Variants in SGCD observed in about 807,000 individuals in gnomAD.
SGCD encodes the protein sarcoglycan delta, also known as delta-sarcoglycan.
Under a neutral mutation model 36.6 loss-of-function variants are expected in SGCD, and 18 were observed. The observed-to-expected ratio is 0.49, with a 90% CI of 0.34 to 0.73. The LOEUF is 0.73. Among genes scored for constraint, SGCD ranks in the 30% least tolerant of loss-of-function variants. SGCD has a pLI of 0.01. For synonymous variants in SGCD, 133 were observed against 130.6 expected (o/e 1.02, Z -0.12); for missense variants, 387 against 346.7 (o/e 1.12, Z -0.92).
At chr5:155,767,281 G>A in the SGCD span, among the ~76,000 whole-genome samples, 1 of 152,292 alleles carries the variant, frequency 6.6e-6, no homozygotes, top group East Asian at 1.9e-4. Flanking sequence ...GGGGCGGCCT[G>A]AGGAAGACAT....
At chr5:156,480,333 CT>C (rs1755368777) in intron 3 of SGCD, among the ~76,000 whole-genome samples, 1 of 152,188 alleles carries the variant, frequency 6.6e-6, no homozygotes, top group African/African-American at 2.4e-5. Context: ...TCGTTGGATT[CT>C]TCTCAAATGC....
chr5:156,619,559 T>G (rs1762162280), intron 6 of SGCD, among the ~76,000 whole-genome samples: 2 of 152,160 alleles, frequency 1.3e-5, no homozygotes, highest in Non-Finnish European at 2.9e-5. Context: ...TCTAGCTATA[T>G]TGTCTCCTTT....
intron 3 of SGCD, among the ~76,000 whole-genome samples, chr5:156,464,670 C>A (rs1754646388): frequency 6.6e-6 from 1 of 152,136 alleles, no homozygotes; most frequent in Non-Finnish European, 1.5e-5. Flanking sequence ...TTCACCGAAT[C>A]CCACTTTTAG....
At chr5:156,185,399 A>C (rs920512914) in intron 3 of SGCD, among the ~76,000 whole-genome samples, 1 of 151,810 alleles carries the variant, frequency 6.6e-6, no homozygotes, top group African/African-American at 2.4e-5. Flanking sequence ...TATTTTTAGC[A>C]GAGACGGGGT....
chr5:156,586,299 G>A (rs934434602), intron 4 of SGCD, among the ~76,000 whole-genome samples: 1 of 152,132 alleles, frequency 6.6e-6, no homozygotes, highest in Non-Finnish European at 1.5e-5. Context: ...TGTTGAGGAG[G>A]AAGACCACAG....
At chr5:155,942,314 G>GTATC (rs761794178) in intron 1 of SGCD, among the ~76,000 whole-genome samples, 3,586 of 84,048 alleles carry the variant, frequency 0.043, 59 homozygotes, top group South Asian at 0.1. Context: ...ATGTATGTAT[G>GTATC]TATGTATGTA....
chr5:156,500,459 T>A (rs1459988730), intron 3 of SGCD, among the ~76,000 whole-genome samples: 3 of 152,218 alleles, frequency 2.0e-5, no homozygotes, highest in Non-Finnish European at 4.4e-5. Flanking sequence ...AGAGATTATC[T>A]TGAGACTTGT....
At chr5:156,142,227 GGC>G (rs1300445029) in intron 3 of SGCD, among the ~76,000 whole-genome samples, 1 of 152,132 alleles carries the variant, frequency 6.6e-6, no homozygotes, top group African/African-American at 2.4e-5. Context: ...AGTTTCCTGG[GGC>G]CTCCCCGGAA....
intron 4 of SGCD, among the ~76,000 whole-genome samples, chr5:156,582,815 GCA>G (rs1239916112): frequency 6.6e-6 from 1 of 150,648 alleles, no homozygotes; most frequent in Non-Finnish European, 1.5e-5. Flanking sequence ...GCACGCATGT[GCA>G]CGCGCACACA....
chr5:156,641,437 G>T (rs1385494562), intron 6 of SGCD, among the ~76,000 whole-genome samples: 2 of 152,180 alleles, frequency 1.3e-5, no homozygotes, highest in Non-Finnish European at 2.9e-5. Flanking sequence ...TTGCACAGAA[G>T]ATAGTGTTCA....
chr5:156,087,374 C>T (rs76735165), intron 1 of SGCD, among the ~76,000 whole-genome samples: 1 of 152,102 alleles, frequency 6.6e-6, no homozygotes, highest in Non-Finnish European at 1.5e-5. Context: ...CACGGTGGCT[C>T]ATACCTGTAA....
At chr5:156,390,515 G>C (rs1771508838) in intron 3 of SGCD, among the ~76,000 whole-genome samples, 1 of 152,210 alleles carries the variant, frequency 6.6e-6, no homozygotes, top group South Asian at 2.1e-4. Context: ...TGGATCACCT[G>C]AGGTCAGGAG....
chr5:155,925,413 ACATTCTCTCTGCAGG>A (rs951184110), intron 1 of SGCD, among the ~76,000 whole-genome samples: 7 of 152,228 alleles, frequency 4.6e-5, no homozygotes, highest in African/African-American at 1.7e-4. Context: ...AGCCAAGGCC[ACATTCTCTCTGCAGG>A]CTCAAGCAAA....
intron 3 of SGCD, among the ~76,000 whole-genome samples, chr5:156,208,245 C>G (rs576100273): frequency 6.6e-6 from 1 of 152,316 alleles, no homozygotes; most frequent in African/African-American, 2.4e-5. Flanking sequence ...TTTTGCCTGT[C>G]TTCAAGAGCT....
intron 1 of SGCD, among the ~76,000 whole-genome samples, chr5:155,890,637 A>ACAGATGATAGAT (rs59331401): frequency 1.8e-5 from 1 of 56,358 alleles, no homozygotes; most frequent in Non-Finnish European, 3.2e-5. Flanking sequence ...AGATAGACAG[A>ACAGATGATAGAT]TGATAGATAG....
intron 3 of SGCD, among the ~76,000 whole-genome samples, chr5:156,450,545 A>AAAAAG (rs60594583): frequency 0.19 from 27,847 of 149,316 alleles, 2,626 homozygotes; most frequent in Middle Eastern, 0.27. Context: ...TTAAAAAAAA[A>AAAAAG]AAAAGAAAAG....
intron 1 of SGCD, among the ~76,000 whole-genome samples, chr5:156,043,982 C>T (rs1170599420): frequency 6.6e-6 from 1 of 152,016 alleles, no homozygotes; most frequent in Non-Finnish European, 1.5e-5. Flanking sequence ...ATACAGCATC[C>T]TACAATCTTC....
At chr5:156,412,784 GTTC>G (rs1378711568) in intron 3 of SGCD, among the ~76,000 whole-genome samples, 1 of 134,104 alleles carries the variant, frequency 7.5e-6, no homozygotes, top group Non-Finnish European at 1.5e-5. Flanking sequence ...GGCAGGGTTG[GTTC>G]TTTTTTTTTT....
chr5:156,685,369 G>A (rs1445783744), intron 7 of SGCD, among the ~76,000 whole-genome samples: 2 of 152,198 alleles, frequency 1.3e-5, no homozygotes, highest in East Asian at 1.9e-4. Flanking sequence ...TGTCGGTGTT[G>A]CTCTATTTTG....
Sources: gnomAD v4.1 joint callset for allele counts (sites outside exome capture counted in the v4.1 genomes callset) on GRCh38, gnomAD v4.1.1 for gene constraint, MANE v1.5 for transcripts, NCBI Gene and HGNC (gene_info 2026-07-23, HGNC 2026-07-21) for gene names.